FAM168A: variants seen among roughly 807,000 people sequenced by gnomAD.
FAM168A encodes the protein protein FAM168A.
In FAM168A, 3 loss-of-function variants were observed where a neutral mutation model predicts 28.5. The observed-to-expected ratio is 0.11, with a 90% CI of 0.05 to 0.27. The LOEUF (loss-of-function observed/expected upper bound fraction) is 0.27. Ranked by LOEUF, FAM168A falls within the 10% of genes least tolerant of loss-of-function variation. The pLI is 1.00. For synonymous variants in FAM168A, 122 were observed against 124.2 expected, an observed-to-expected ratio of 0.98 and a Z score of 0.12; for missense variants, 222 against 311.5, an observed-to-expected ratio of 0.71 and a Z score of 2.16.
intron 1 of FAM168A, among the ~76,000 whole-genome samples, chr11:73,512,565 A>G (rs903980190): frequency 3.9e-5 from 6 of 152,096 alleles, no homozygotes; most frequent in Non-Finnish European, 5.9e-5. Context: ...GGATTTTACA[A>G]TATATGAATT....
At chr11:73,498,000 G>T (rs181325821) in intron 1 of FAM168A, among the ~76,000 whole-genome samples, 1 of 152,024 alleles carries the variant, frequency 6.6e-6, no homozygotes, top group East Asian at 1.9e-4. Context: ...CTTACTACAT[G>T]CCAGGCACTA....
Position 73,510,672 on chromosome 11 carries a change from A to G in FAM168A, c.-18-42180T>C, listed in dbSNP as rs78835290. 86 of 333,334 alleles carry G rather than the reference A, an allele frequency of 2.6e-4. No homozygotes were observed. In the East Asian group the frequency reaches 3.1e-3, roughly 12 times the overall value. 20.6% of individuals were successfully genotyped at this position (333,334 alleles called of 1,614,324 possible). A position where few individuals can be genotyped will look rare whatever the true frequency, so the allele number is the denominator to read the frequency against. ...CCAAAAGGGGGTACATCCTACCAGG[A>G]TTCGGAATAATTTCCCATATTGTAA... On this transcript the variant is annotated intron_variant, in intron 1 of 7. Transcript: ENST00000356467.
At chr11:73,438,691 C>T (rs1487255508) in intron 2 of FAM168A, among the ~76,000 whole-genome samples, 4 of 151,928 alleles carry the variant, frequency 2.6e-5, no homozygotes, top group South Asian at 2.1e-4. Context: ...ACTACTCTGG[C>T]GGCAGAATGA....
intron 1 of FAM168A, among the ~76,000 whole-genome samples, chr11:73,519,555 A>AGAAAGGGCATTCC (rs1943349782): frequency 6.6e-6 from 1 of 152,260 alleles, no homozygotes; most frequent in Admixed American, 6.5e-5. Context: ...TGGCAAGTCA[A>AGAAAGGGCATTCC]GAAAGGGCAT....
rs981395485 is a variant in FAM168A, at chr11:73,407,478, C to T, written c.*18+35G>A. The T allele has an allele frequency of 3.1e-5, 45 of 1,440,362 alleles. No individual in the cohort carries two copies. In the African/African-American group the frequency reaches 5.9e-4, roughly 19 times the overall value. 89.2% of individuals were successfully genotyped at this position (1,440,362 alleles called of 1,614,324 possible). A position where few individuals can be genotyped will look rare whatever the true frequency, so the allele number is the denominator to read the frequency against. ...ACTTTGAGGCAGTTCCTGTATGTAT[C>T]CCCCTCCCACTTCTCTCACCCTGGC... On this transcript the variant is annotated intron_variant, in intron 7 of 7. Transcript: ENST00000356467.
intron 1 of FAM168A, among the ~76,000 whole-genome samples, chr11:73,500,231 G>A (rs1001278632): frequency 9.4e-5 from 14 of 149,344 alleles, no homozygotes; most frequent in Non-Finnish European, 8.9e-5. Flanking sequence ...CATTCTTAAA[G>A]ACAAGAGTTT....
At chr11:73,480,894 A>C (rs940342055) in intron 1 of FAM168A, among the ~76,000 whole-genome samples, 1 of 152,218 alleles carries the variant, frequency 6.6e-6, no homozygotes, top group Non-Finnish European at 1.5e-5. Flanking sequence ...ATTTTGAAAT[A>C]GCATTTTTCT....
intron 2 of FAM168A, among the ~76,000 whole-genome samples, chr11:73,443,773 A>G (rs1201891440): frequency 6.6e-6 from 1 of 152,202 alleles, no homozygotes; most frequent in Non-Finnish European, 1.5e-5. Flanking sequence ...GGGTTTTGAT[A>G]TTTTAAAAAA....
In FAM168A at chr11:73,483,951, C is replaced by A. The variant is rs371442936; in HGVS notation, c.-18-15459G>T. 2.2e-4 allele frequency among the ~76,000 whole-genome samples: 33 copies of A among 152,294 alleles called. No individual in the cohort carries two copies. The East Asian group carries it at 5.2e-3, about 24-fold the overall frequency. ...ATTGTATGGGGGAAGTATAATAGCA[C>A]AAGAGAATATTGTCAGATGTAATAA... is the stretch of plus-strand genomic sequence containing the variant. On this transcript the variant is annotated intron_variant, in intron 1 of 7. Transcript: ENST00000356467.
chr11:73,433,692 AC>A (rs1867037561), intron 2 of FAM168A, among the ~76,000 whole-genome samples: 1 of 152,170 alleles, frequency 6.6e-6, no homozygotes, highest in Admixed American at 6.5e-5. Flanking sequence ...GTATGTAGAT[AC>A]ATCATTTAAC....
In FAM168A at chr11:73,467,735, TG is replaced by T. The variant is rs554038201; in HGVS notation, c.70+669del. ...CCTCTGGCAGAGGAACTTAAGTTGC[TG>T]GAACACTCTGAACTGGAAAGGGGAA... On this transcript the variant is annotated intron_variant, in intron 2 of 7. Coordinates refer to ENST00000356467, the MANE Select transcript of FAM168A (RefSeq NM_015159.3). 1.6e-3 allele frequency among the ~76,000 whole-genome samples: 237 copies of T among 152,316 alleles called. 1 individual carries two copies. Among genetic ancestry groups the T allele is most frequent in the African/African-American group, 5.2e-3 (218 of 41,570 alleles).
At chr11:73,553,427 A>T (rs557678020) in intron 1 of FAM168A, among the ~76,000 whole-genome samples, 2 of 152,340 alleles carry the variant, frequency 1.3e-5, no homozygotes, top group Non-Finnish European at 2.9e-5. Flanking sequence ...ACCTGATTTC[A>T]TCTGGCCTGA....
At chr11:73,550,352 A>G (rs576605033) in intron 1 of FAM168A, among the ~76,000 whole-genome samples, 9 of 152,360 alleles carry the variant, frequency 5.9e-5, no homozygotes, top group Admixed American at 2.6e-4. Flanking sequence ...AATCCCAATT[A>G]AGTTTTAAAG....
chr11:73,423,963 T>C (rs185454577), intron 3 of FAM168A, among the ~76,000 whole-genome samples: 235 of 152,368 alleles, frequency 1.5e-3, no homozygotes, highest in Non-Finnish European at 2.5e-3. Flanking sequence ...TAACTTTTTA[T>C]GCACCCTTCT....
intron 4 of FAM168A, among the ~76,000 whole-genome samples, chr11:73,412,732 G>A (rs1197393569): frequency 1.3e-5 from 2 of 152,194 alleles, no homozygotes; most frequent in African/African-American, 2.4e-5. Flanking sequence ...AAGCCCTGCT[G>A]GGGAGGTGCT....
intron 1 of FAM168A, among the ~76,000 whole-genome samples, chr11:73,520,299 C>T (rs1480606405): frequency 6.6e-6 from 1 of 152,040 alleles, no homozygotes; most frequent in East Asian, 1.9e-4. Context: ...CCACCCGCCT[C>T]AGCCTCCCAA....
intron 1 of FAM168A, among the ~76,000 whole-genome samples, chr11:73,499,918 G>A (rs187350804): frequency 2.0e-4 from 31 of 152,266 alleles, no homozygotes; most frequent in African/African-American, 7.2e-4. Flanking sequence ...CCAGGAGATG[G>A]AGAGAATGGA....
rs1253345200 is a variant in FAM168A, at chr11:73,405,353, C to G, written c.*1410G>C. Reference sequence around the variant, plus strand: ...AGTCCGTGGAGGAAAAGAGCAGAAACAGGAGCCCAGAGACCATTCCAGACT... The same window carrying G: ...AGTCCGTGGAGGAAAAGAGCAGAAAGAGGAGCCCAGAGACCATTCCAGACT... On this transcript the variant is annotated 3_prime_UTR_variant, in exon 8 of 8. Transcript: ENST00000356467. 6.6e-6 allele frequency: 1 copy of G among 152,198 alleles called. No homozygotes were observed. The highest frequency in any genetic ancestry group is 1.5e-5 in the Non-Finnish European group (1 of 68,048). 9.4% of individuals were successfully genotyped at this position (152,198 alleles called of 1,614,324 possible).
rs146938586 is a variant in FAM168A, at chr11:73,537,915, C to A, written c.-19+60008G>T. On this transcript the variant is annotated intron_variant, in intron 1 of 7. Transcript: ENST00000356467. The stretch of plus-strand genomic sequence containing the variant: ...ACACACTTGCATAAATGTCTGACTT[C>A]CCCATGTATACTCCTTAAGGAGATA... 2.1e-3 allele frequency among the ~76,000 whole-genome samples: 326 copies of A among 152,260 alleles called. 1 individual carries two copies. The highest frequency in any genetic ancestry group is 7.4e-3 in the African/African-American group (309 of 41,546).
Sources: gnomAD v4.1 joint callset for allele counts (sites outside exome capture counted in the v4.1 genomes callset) on GRCh38, gnomAD v4.1.1 for gene constraint, MANE v1.5 for transcripts, NCBI Gene and HGNC (gene_info 2026-07-23, HGNC 2026-07-21) for gene names.